The following EML3 variants were observed in gnomAD, a reference collection of about 807,000 sequenced individuals.
The protein encoded by EML3 is echinoderm microtubule-associated protein-like 3.
Under a neutral mutation model 106.7 loss-of-function variants are expected in EML3, and 53 were observed. That is an observed-to-expected ratio of 0.50 (90% CI 0.40 to 0.62). The LOEUF is 0.62. EML3 is among the 20% of genes least tolerant of loss of function. The pLI is 0.00. For synonymous variants in EML3, 499 were observed against 489.6 expected (o/e 1.02, Z -0.25); for missense variants, 994 against 1,209.1 (o/e 0.82, Z 2.64).
Position 62,605,524 on chromosome 11 carries a change from C to T in EML3, c.1914+118G>A. 2 of 1,326,986 alleles carry T rather than the reference C, an allele frequency of 1.5e-6. No individual in the cohort carries two copies. Among genetic ancestry groups the T allele is most frequent in the Non-Finnish European group, 2.0e-6 (2 of 980,972 alleles). The allele number at this position is 1,326,986 out of a possible 1,614,324, so 82.2% of individuals were successfully genotyped here. ...TTAATATTTGAGTAGCCAGTGCAGC[C>T]ATACCAGTACAAACTGGCCACCTCT... On this transcript the variant is annotated intron_variant, in intron 15 of 21. Transcript: ENST00000394773. This position sits in a 1 kb window ranked among gnomAD's most constrained non-coding sequence, Gnocchi z 5.2.
chr11:62,606,253 G>A, intron 12 of EML3, 39 bp from the exon 13 acceptor site: 1 of 1,596,622 alleles, frequency 6.3e-7, no homozygotes, highest in Non-Finnish European at 8.5e-7. Context: ...TTTTGGGGGT[G>A]CAGGGGAGTG....
chr11:62,608,828 T>G (rs757918757), intron 7 of EML3, 23 bp from the exon 8 acceptor site: 14 of 1,565,174 alleles, frequency 8.9e-6, no homozygotes, highest in African/African-American at 5.4e-5. Context: ...GAAGACACTC[T>G]AGGGAAAGGG....
rs1384859062 is a variant in EML3 at position 62,602,319 on chromosome 11, G to C, written c.*156C>G. On this transcript the variant is annotated 3_prime_UTR_variant, in exon 22 of 22. Transcript: ENST00000394773. ...CAGCGGGTCTAAACAGTGTGTGCAG[G>C]GGCGCCGTTCGCGCCCTCCAGGAAA... 6.4e-7 allele frequency: 1 copy of C among 1,551,120 alleles called. No homozygotes were observed. The highest frequency in any genetic ancestry group is 2.4e-5 in the East Asian group (1 of 40,906).
Position 62,609,344 on chromosome 11 carries a change from G to C in EML3, c.758+10C>G. 1 of 1,560,284 alleles carries C rather than the reference G, an allele frequency of 6.4e-7. No individual in the cohort carries two copies. The highest frequency in any genetic ancestry group is 8.7e-7 in the Non-Finnish European group (1 of 1,153,582). ...AGGTGGTTCTCATGGGACTGGAAGG[G>C]GCAGGATACACCCAGTCAAGGCTGA... On this transcript the variant is annotated intron_variant, in intron 6 of 21. Transcript: ENST00000394773.
chr11:62,612,603 G>T lies in EML3; in HGVS notation c.-146C>A, dbSNP rs1014087215. On this transcript the variant is annotated 5_prime_UTR_variant, in exon 1 of 22. Transcript: ENST00000394773. ...ACCCCGAGGGGGCGCTGTCGGGCGC[G>T]GGGAAGGGGCCTGGAGGGGGCGCTG... 5.9e-5 allele frequency: 46 copies of T among 777,932 alleles called. No homozygotes were observed. In the South Asian group the frequency reaches 1.4e-3, roughly 23 times the overall value. The allele number at this position is 777,932 out of a possible 1,614,324, so 48.2% of individuals were successfully genotyped here.
intron 4 of EML3, 54 bp downstream of exon 4, chr11:62,610,824 GA>G: frequency 6.8e-7 from 1 of 1,475,392 alleles, no homozygotes; most frequent in African/African-American, 1.4e-5. Context: ...GAGGGATATG[GA>G]AAGTCGAGAG....
Position 62,610,086 on chromosome 11 carries a change from T to G in EML3, c.567-390A>C, listed in dbSNP as rs115815705. ...AATTCTCCTGCCTTAGCCTCCCCAG[T>G]AGCTGGGATTACACGTGCGCGCCAC... On this transcript the variant is annotated intron_variant, in intron 4 of 21. Coordinates refer to ENST00000394773, the MANE Select transcript of EML3 (RefSeq NM_153265.3). 4.3e-3 allele frequency among the ~76,000 whole-genome samples: 657 copies of G among 152,294 alleles called. 4 individuals carry two copies. The highest frequency in any genetic ancestry group is 0.015 in the African/African-American group (626 of 41,572).
chr11:62,610,935 G>A lies in EML3; in HGVS notation c.510C>T (p.Leu170=), dbSNP rs1463169669. 1 of 1,613,384 alleles carries A rather than the reference G, an allele frequency of 6.2e-7. No individual in the cohort carries two copies. Among genetic ancestry groups the A allele is most frequent in the Non-Finnish European group, 8.5e-7 (1 of 1,179,844 alleles). Reference sequence around the variant, plus strand: ...TGGCGGAGGAGATTGCCTTCCTGGAGAGCTTCTGCCGAGGCCGCTCTGAGG... The same window carrying A: ...TGGCGGAGGAGATTGCCTTCCTGGAAAGCTTCTGCCGAGGCCGCTCTGAGG... ...SSPSERPRQK[L]SRKAISSANL... Residue 170 remains leucine (L), a synonymous_variant, in exon 4 of 22, where the codon CTC becomes CTT. Coordinates refer to ENST00000394773, the MANE Select transcript of EML3 (RefSeq NM_153265.3).
intron 12 of EML3, 61 bp downstream of exon 12, chr11:62,606,897 C>T (rs1286665181): frequency 6.6e-7 from 1 of 1,510,094 alleles, no homozygotes; most frequent in East Asian, 2.3e-5. Flanking sequence ...AAACCCTCTC[C>T]TCTGTTCCCA....
chr11:62,606,000 T>C lies in EML3; in HGVS notation c.1657-20A>G, dbSNP rs1255513144. On this transcript the variant is annotated intron_variant, in intron 13 of 21. Coordinates refer to ENST00000394773, the MANE Select transcript of EML3 (RefSeq NM_153265.3). The surrounding 1 kb of genome is among the most constrained non-coding windows in gnomAD (Gnocchi z 5.2). ...GGGAATCTGCAGAGTGGTAGCAGAA[T>C]GTCAAGAGCCCACTGACTATTGCTC... is the stretch of plus-strand genomic sequence containing the variant. 3.1e-6 allele frequency: 5 copies of C among 1,613,730 alleles called. No individual in the cohort carries two copies. Among genetic ancestry groups the C allele is most frequent in the Middle Eastern group, 1.6e-4 (1 of 6,084 alleles).
Position 62,611,455 on chromosome 11 carries a change from C to T in EML3, c.164G>A (p.Gly55Asp). The change falls in exon 2 of 22, where the codon GGC becomes GAC. Residue 55 changes from glycine (G) to aspartate (D), a missense_variant. By Grantham distance (94) the Gly-to-Asp change is moderately conservative. Coordinates refer to ENST00000394773, the MANE Select transcript of EML3 (RefSeq NM_153265.3). ...RLQVPPSSLQ[G>D]SGTPAPPGDS... ...CCCCGGAGGAGCTGGTGTGCCAGAG[C>T]CCTGCAGGGAGGAAGGGGGCACCTG... is the stretch of plus-strand genomic sequence containing the variant. 12 of 1,613,838 alleles carry T rather than the reference C, an allele frequency of 7.4e-6. No homozygotes were observed. Among genetic ancestry groups the T allele is most frequent in the Non-Finnish European group, 1.0e-5 (12 of 1,179,920 alleles).
intron 16 of EML3, 33 bp from the exon 17 acceptor site, chr11:62,604,234 G>A: frequency 1.2e-6 from 2 of 1,608,848 alleles, no homozygotes; most frequent in Non-Finnish European, 1.7e-6. Flanking sequence ...CAGATAGGAA[G>A]ACGAAAAGGC....
chr11:62,608,850 C>T, intron 7 of EML3, 45 bp from the exon 8 acceptor site: 1 of 1,567,906 alleles, frequency 6.4e-7, no homozygotes, highest in Non-Finnish European at 8.7e-7. Context: ...CTCTCAAGAC[C>T]ATCCAAGACA....
In EML3 at chr11:62,609,450, C is replaced by T; in HGVS notation, c.662G>A (p.Arg221Gln). The T allele has an allele frequency of 1.9e-6, 3 of 1,586,198 alleles. No homozygotes were observed. Among genetic ancestry groups the T allele is most frequent in the East Asian group, 2.2e-5 (1 of 44,540 alleles). Residue 221 changes from arginine to glutamine, a missense_variant, in exon 6 of 22, where the codon CGA becomes CAA. Physicochemically the swap from Arg to Gln is conservative, Grantham distance 43 (BLOSUM62 1). Around this residue, in one of 3 missense-constraint regions of EML3, gnomAD observed 713 missense variants for 920.5 expected, o/e 0.77. Transcript: ENST00000394773. ...LEGISVKMFL[R>Q]GRPITMYIPS... Reference sequence around the variant, plus strand: ...GATGTACATGGTAATGGGGCGCCCTCGAAGGAACATCTTCACTGAGATGCC... The same window carrying T: ...GATGTACATGGTAATGGGGCGCCCTTGAAGGAACATCTTCACTGAGATGCC...
intron 19 of EML3, among the ~76,000 whole-genome samples, 194 bp downstream of exon 19, chr11:62,603,535 T>C (rs997281929): frequency 1.3e-5 from 2 of 152,220 alleles, no homozygotes; most frequent in African/African-American, 4.8e-5. Flanking sequence ...TAGCGCATTT[T>C]TGAACTCCCT....
chr11:62,608,492 T>C, intron 9 of EML3, 50 bp downstream of exon 9: 2 of 1,558,824 alleles, frequency 1.3e-6, no homozygotes, highest in Non-Finnish European at 8.8e-7. Context: ...CATGCAAGAG[T>C]GGGGTTCCTA....
intron 11 of EML3, 67 bp downstream of exon 11, chr11:62,607,599 G>C (rs1367693384): frequency 3.9e-6 from 6 of 1,541,530 alleles, no homozygotes; most frequent in Admixed American, 3.7e-5. Context: ...AGGGTCCATA[G>C]TACTCAGCCC....
chr11:62,607,167 G>T, intron 11 of EML3, 68 bp from the exon 12 acceptor site: 3 of 1,576,354 alleles, frequency 1.9e-6, no homozygotes, highest in Non-Finnish European at 2.6e-6. Context: ...CGCAGGGCAG[G>T]CCAGGTGCAG....
intron 4 of EML3, 113 bp from the exon 5 acceptor site, chr11:62,609,809 C>T (rs543342586): frequency 3.3e-6 from 3 of 907,620 alleles, no homozygotes; most frequent in South Asian, 3.6e-5. Context: ...CTTCTGCAAG[C>T]CTGTAGTTTG....
Sources: allele counts gnomAD v4.1 joint callset (sites outside exome capture counted in the v4.1 genomes callset), GRCh38; gene constraint gnomAD v4.1.1; regional missense constraint gnomAD v4.1.1; non-coding constraint Gnocchi (gnomAD v3.1); transcripts MANE v1.5; gene names NCBI Gene and HGNC (gene_info 2026-07-23, HGNC 2026-07-21).